Variants in MAF observed in about 807,000 individuals in gnomAD.
The protein encoded by MAF is MAF bZIP transcription factor, also known as transcription factor Maf.
A neutral mutation model predicts 22.0 loss-of-function variants in MAF; 10 were observed. The observed-to-expected ratio is 0.45, with a 90% CI of 0.28 to 0.77. The LOEUF (loss-of-function observed/expected upper bound fraction) is 0.77. MAF is among the 30% of genes least tolerant of loss of function. MAF has a pLI of 0.12. For synonymous variants in MAF, 337 were observed against 255.8 expected (o/e 1.32, Z -3.03); for missense variants, 544 against 548.4 (o/e 0.99, Z 0.08).
At chr16:79,260,390 G>A in the MAF span, among the ~76,000 whole-genome samples, 1 of 152,136 alleles carries the variant, frequency 6.6e-6, no homozygotes, top group African/African-American at 2.4e-5. Flanking sequence ...GGGATCCAGT[G>A]ATTCTCCTGC....
chr16:79,387,222 G>T, the MAF span, among the ~76,000 whole-genome samples: 1 of 152,160 alleles, frequency 6.6e-6, no homozygotes, highest in East Asian at 1.9e-4. Flanking sequence ...TCCATGAAGG[G>T]GGCCTGGGTG....
chr16:79,224,657 C>A, the MAF span, among the ~76,000 whole-genome samples: 1 of 152,198 alleles, frequency 6.6e-6, no homozygotes, highest in East Asian at 1.9e-4. Context: ...GCAACTTCAG[C>A]AAAGTCTCAG....
chr16:79,491,859 T>C, the MAF span, among the ~76,000 whole-genome samples: 1 of 152,104 alleles, frequency 6.6e-6, no homozygotes, highest in East Asian at 1.9e-4. Context: ...AGGGGGATTT[T>C]AGTGAGAAGA....
At chr16:79,213,190 G>A in the MAF span, among the ~76,000 whole-genome samples, 1 of 152,158 alleles carries the variant, frequency 6.6e-6, no homozygotes, top group Admixed American at 6.5e-5. Flanking sequence ...GAAATACCAG[G>A]AAGGTGTGGA....
downstream of MAF, among the ~76,000 whole-genome samples, chr16:79,585,233 C>A (rs769965408): frequency 6.6e-6 from 1 of 152,136 alleles, no homozygotes; most frequent in Non-Finnish European, 1.5e-5. Context: ...TTAAATAGCT[C>A]AATTCCATTA....
chr16:79,289,205 G>A, the MAF span, among the ~76,000 whole-genome samples: 1 of 152,190 alleles, frequency 6.6e-6, no homozygotes, highest in Admixed American at 6.5e-5. Context: ...GAGTGGCACG[G>A]TGTGACTGGT....
the MAF span, among the ~76,000 whole-genome samples, chr16:79,474,711 G>C: frequency 6.6e-6 from 1 of 151,682 alleles, no homozygotes; most frequent in Non-Finnish European, 1.5e-5. Flanking sequence ...TTTATTTTTT[G>C]CTGGTGAAGG....
At chr16:79,206,376 GTCAC>G in the MAF span, 16 of 152,214 alleles carry the variant, frequency 1.1e-4, no homozygotes, top group Admixed American at 2.0e-4. Context: ...GGAGTCTGAA[GTCAC>G]TCACTCTACG....
chr16:79,448,464 C>T, the MAF span, among the ~76,000 whole-genome samples: 6 of 151,012 alleles, frequency 4.0e-5, no homozygotes, highest in South Asian at 1.3e-3. Flanking sequence ...CTTGCACTGT[C>T]ACCTGGGCTG....
the MAF span, among the ~76,000 whole-genome samples, chr16:79,519,354 G>T: frequency 1.3e-5 from 2 of 152,204 alleles, no homozygotes; most frequent in Non-Finnish European, 2.9e-5. Flanking sequence ...GCAACTCCCA[G>T]AGGTTAGGTC....
chr16:79,343,485 T>C, the MAF span, among the ~76,000 whole-genome samples: 1 of 152,206 alleles, frequency 6.6e-6, no homozygotes, highest in Non-Finnish European at 1.5e-5. Context: ...CAAAAAATTA[T>C]ACACACCACC....
the MAF span, among the ~76,000 whole-genome samples, chr16:79,463,213 C>T: frequency 6.6e-6 from 1 of 152,164 alleles, no homozygotes; most frequent in African/African-American, 2.4e-5. Context: ...GAAGTGGTTG[C>T]AGATGGGTCC....
At chr16:79,464,751 G>T in the MAF span, among the ~76,000 whole-genome samples, 3 of 152,180 alleles carry the variant, frequency 2.0e-5, no homozygotes, top group Non-Finnish European at 4.4e-5. Context: ...GAGGGTCAAG[G>T]TCGATTCCCA....
chr16:79,242,571 A>C, the MAF span, among the ~76,000 whole-genome samples: 3 of 151,980 alleles, frequency 2.0e-5, no homozygotes, highest in Non-Finnish European at 4.4e-5. Context: ...TTAGAGACCT[A>C]CAAGGAGACT....
chr16:79,383,063 T>C, the MAF span, among the ~76,000 whole-genome samples: 1 of 152,224 alleles, frequency 6.6e-6, no homozygotes. Flanking sequence ...AAAGAATAGA[T>C]AATAACTCAG....
At chr16:79,502,708 A>ATACATATATATATATATATATATATATAT in the MAF span, among the ~76,000 whole-genome samples, 2 of 34,008 alleles carry the variant, frequency 5.9e-5, 1 homozygote, top group Non-Finnish European at 1.1e-4. Flanking sequence ...TATAAATATA[A>ATACATATATATATATATATATATATATAT]ATATATATAT....
downstream of MAF, among the ~76,000 whole-genome samples, chr16:79,593,534 C>G (rs533018937): frequency 2.4e-4 from 36 of 152,282 alleles, no homozygotes; most frequent in African/African-American, 8.4e-4. Context: ...GCGTGAGCAT[C>G]CTGCATTCAG....
the MAF span, among the ~76,000 whole-genome samples, chr16:79,502,696 AATATAAATATAAATAT>A: frequency 2.6e-4 from 5 of 19,246 alleles, no homozygotes; most frequent in African/African-American, 3.6e-4. Flanking sequence ...TATAAATATA[AATATAAATATAAATAT>A]ATATATATAT....
chr16:79,555,015 G>A, the MAF span, among the ~76,000 whole-genome samples: 291 of 152,272 alleles, frequency 1.9e-3, 1 homozygote, highest in Admixed American at 6.4e-3. Flanking sequence ...CTGGTGGGAA[G>A]AACTTTTGAT....
Sources: allele counts gnomAD v4.1 joint callset (sites outside exome capture counted in the v4.1 genomes callset), GRCh38; gene constraint gnomAD v4.1.1; transcripts MANE v1.5; gene names NCBI Gene and HGNC (gene_info 2026-07-23, HGNC 2026-07-21).